CREM: variants seen among roughly 807,000 people sequenced by gnomAD.
CREM encodes the protein cAMP-responsive element modulator.
CREM carries 13 observed loss-of-function variants against 37.3 expected under a neutral mutation model. The ratio of observed to expected loss-of-function variants is 0.35; its 90% CI spans 0.23 to 0.55. The LOEUF (loss-of-function observed/expected upper bound fraction) is 0.55, where lower values mean the gene tolerates loss of function less well. CREM is among the 20% of genes least tolerant of loss of function. CREM has a pLI of 0.88. For missense variants in CREM, 296 were observed against 362.3 expected, an observed-to-expected ratio of 0.82 and a Z score of 1.49; for synonymous variants, 124 against 120.2, an observed-to-expected ratio of 1.03 and a Z score of -0.21.
intron 2 of CREM, among the ~76,000 whole-genome samples, chr10:35,141,511 G>A (rs904723164): frequency 6.6e-6 from 1 of 152,158 alleles, no homozygotes; most frequent in African/African-American, 2.4e-5. Flanking sequence ...TTTCTGGCTT[G>A]AACAACTCGT....
At chr10:35,195,036 G>A (rs890984563) in intron 6 of CREM, 16 of 656,642 alleles carry the variant, frequency 2.4e-5, no homozygotes, top group African/African-American at 7.5e-5. Context: ...CAGTGAGCTC[G>A]CCTGTGACAA....
intron 3 of CREM, among the ~76,000 whole-genome samples, chr10:35,175,223 A>G (rs550354069): frequency 1.3e-5 from 2 of 152,254 alleles, no homozygotes; most frequent in Admixed American, 6.5e-5. Flanking sequence ...CAAGGTGGGC[A>G]GATCACAAGG....
At chr10:35,154,194 G>T (rs1368538422) in intron 3 of CREM, 1 of 397,274 alleles carries the variant, frequency 2.5e-6, no homozygotes, top group African/African-American at 2.1e-5. Flanking sequence ...TTTTAATCTG[G>T]TGGAAAATTG....
At chr10:35,148,797 G>A (rs549345224) in intron 3 of CREM, 53 of 215,940 alleles carry the variant, frequency 2.5e-4, no homozygotes, top group African/African-American at 1.1e-3. Flanking sequence ...CAGTTCTGAT[G>A]TCCTTAGCTG....
At chr10:35,202,788 A>G (rs2095416922) in intron 6 of CREM, among the ~76,000 whole-genome samples, 1 of 152,208 alleles carries the variant, frequency 6.6e-6, no homozygotes, top group Non-Finnish European at 1.5e-5. Flanking sequence ...ACCTCTGAAA[A>G]ATTATAATAA....
chr10:35,211,157 G>A (rs1185381636), intron 7 of CREM, 97 bp from the exon 8 acceptor site: 8 of 1,342,594 alleles, frequency 6.0e-6, no homozygotes, highest in African/African-American at 1.5e-5. Context: ...ACCTAGGATC[G>A]ATTGGCTGTT....
intron 6 of CREM, among the ~76,000 whole-genome samples, chr10:35,194,155 T>C (rs2095049674): frequency 6.7e-6 from 1 of 148,604 alleles, no homozygotes; most frequent in East Asian, 2.0e-4. Context: ...TGTCACTTAT[T>C]TTTTTGCAGT....
rs191495090 is a variant in CREM, at chr10:35,148,508, C to G, written c.168+17C>G. 19 of 1,600,252 alleles carry G rather than the reference C, an allele frequency of 1.2e-5. No individual in the cohort carries two copies. In the African/African-American group the frequency reaches 2.4e-4, roughly 20 times the overall value. ...TTAGCTCAGGTAGGCAATAGGCAGG[C>G]ACCGTTGAAAGTCAAAATATATGGA... On this transcript the variant is annotated intron_variant, in intron 3 of 7. Transcript: ENST00000685392.
intron 3 of CREM, among the ~76,000 whole-genome samples, chr10:35,169,683 G>T (rs1039593955): frequency 2.9e-4 from 44 of 152,260 alleles, no homozygotes; most frequent in African/African-American, 1.0e-3. Flanking sequence ...TTTTCAAAGG[G>T]AATGCTTCCC....
intron 1 of CREM, among the ~76,000 whole-genome samples, chr10:35,131,361 A>G (rs1304598439): frequency 6.6e-6 from 1 of 152,232 alleles, no homozygotes; most frequent in Non-Finnish European, 1.5e-5. Context: ...TTTTAAACAT[A>G]GCAGACTTAA....
In CREM at chr10:35,165,477, A is replaced by C. The variant is rs112152699; in HGVS notation, c.169-13412A>C. ...TTGTCAAAATGATTCTGATTTTGAC[A>C]TCTACTTTTATGTAATTCTTCTTTC... is the stretch of plus-strand genomic sequence containing the variant. On this transcript the variant is annotated intron_variant, in intron 3 of 7. Coordinates refer to ENST00000685392, the MANE Select transcript of CREM (RefSeq NM_183011.2). 6.2e-3 allele frequency among the ~76,000 whole-genome samples: 945 copies of C among 152,332 alleles called. 12 individuals are homozygous for C. The highest frequency in any genetic ancestry group is 0.022 in the African/African-American group (895 of 41,570).
At chr10:35,158,817 G>GTTTTTTTTTTTTTTTTTTTT (rs1491230780) in intron 3 of CREM, among the ~76,000 whole-genome samples, 1 of 65,046 alleles carries the variant, frequency 1.5e-5, no homozygotes, top group African/African-American at 4.6e-5. Flanking sequence ...TTGTTGTTTT[G>GTTTTTTTTTTTTTTTTTTTT]TTTGTTTTTT....
chr10:35,193,170 GAC>G (rs1222270739), intron 6 of CREM, among the ~76,000 whole-genome samples: 19 of 152,116 alleles, frequency 1.2e-4, no homozygotes, highest in Admixed American at 3.9e-4. Flanking sequence ...GTTCTATTTG[GAC>G]AAATACCTAG....
intron 5 of CREM, among the ~76,000 whole-genome samples, chr10:35,183,309 C>G (rs182053772): frequency 1.4e-4 from 22 of 152,260 alleles, no homozygotes; most frequent in Middle Eastern, 3.4e-3. Context: ...TCAGAATTCT[C>G]AGGAGGCTCA....
At chr10:35,152,532 TC>T (rs1262626085) in intron 3 of CREM, 1 of 152,236 alleles carries the variant, frequency 6.6e-6, no homozygotes, top group African/African-American at 2.4e-5. Context: ...CATCAACAAA[TC>T]CTAGTACGGC....
chr10:35,200,104 T>G (rs1483034279), intron 6 of CREM, among the ~76,000 whole-genome samples: 1 of 151,974 alleles, frequency 6.6e-6, no homozygotes, highest in Non-Finnish European at 1.5e-5. Flanking sequence ...GTCAGGCTGG[T>G]CTCGAACTCC....
chr10:35,147,466 A>G (rs552428203), intron 2 of CREM, among the ~76,000 whole-genome samples: 12 of 152,310 alleles, frequency 7.9e-5, no homozygotes, highest in African/African-American at 2.9e-4. Flanking sequence ...TCACTAACTT[A>G]AACTGAATTC....
At position 35,179,164 on chromosome 10, in the gene CREM, G is replaced by A; in HGVS notation, c.297G>A (p.Val99=). 1.2e-6 allele frequency: 2 copies of A among 1,613,698 alleles called. No individual in the cohort carries two copies. Among genetic ancestry groups the A allele is most frequent in the Non-Finnish European group, 8.5e-7 (1 of 1,179,850 alleles). ...TACTGAATGAACTGTCCTCTGATGT[G>A]CCTGGTGTTCCCAAGATTGAAGAAG... is the stretch of plus-strand genomic sequence containing the variant. ...RKILNELSSD[V]PGVPKIEEER... is the part of the protein sequence containing the mutation. The change falls in exon 5 of 8, where the codon GTG becomes GTA. Residue 99 remains valine, a synonymous_variant. Coordinates refer to ENST00000685392, the MANE Select transcript of CREM (RefSeq NM_183011.2).
intron 5 of CREM, among the ~76,000 whole-genome samples, chr10:35,181,016 G>A (rs1413002961): frequency 3.3e-5 from 5 of 152,248 alleles, no homozygotes; most frequent in African/African-American, 1.2e-4. Context: ...TGCTGTCATC[G>A]TAACATTTCT....
Sources: allele counts gnomAD v4.1 joint callset (sites outside exome capture counted in the v4.1 genomes callset), GRCh38; gene constraint gnomAD v4.1.1; transcripts MANE v1.5; gene names NCBI Gene and HGNC (gene_info 2026-07-23, HGNC 2026-07-21).